Variants in KNTC1 observed in about 807,000 individuals in gnomAD.
The protein encoded by KNTC1 is kinetochore-associated protein 1.
Under a neutral mutation model 314.4 loss-of-function variants are expected in KNTC1, and 253 were observed. That is an observed-to-expected ratio of 0.80 (90% CI 0.73 to 0.89). The LOEUF is 0.89. Among genes scored for constraint, KNTC1 ranks in the 40% least tolerant of loss-of-function variants. The pLI, the probability that KNTC1 is intolerant of heterozygous loss-of-function variation, is 0.00. For synonymous variants in KNTC1, 901 were observed against 901.4 expected, an observed-to-expected ratio of 1.00 and a Z score of 0.01; for missense variants, 2,475 against 2,572.9, an observed-to-expected ratio of 0.96 and a Z score of 0.82.
chr12:122,546,415 A>G (rs947975912), intron 9 of KNTC1, 146 bp downstream of exon 9: 4 of 659,662 alleles, frequency 6.1e-6, no homozygotes, highest in Non-Finnish European at 7.9e-6. Flanking sequence ...CACATACAGA[A>G]CAGTTCTTGA....
intron 20 of KNTC1, among the ~76,000 whole-genome samples, chr12:122,567,536 CACTT>C (rs935271989): frequency 2.0e-4 from 30 of 151,944 alleles, no homozygotes; most frequent in Admixed American, 8.5e-4. Flanking sequence ...CATTATAGAA[CACTT>C]ACTTATTTAA....
chr12:122,561,215 T>A (rs1963945907), intron 18 of KNTC1, among the ~76,000 whole-genome samples: 1 of 151,674 alleles, frequency 6.6e-6, no homozygotes, highest in Non-Finnish European at 1.5e-5. Flanking sequence ...CTTGGAAGGC[T>A]GAGGCAGGAG....
At chr12:122,576,638 G>A (rs1175181227) in intron 29 of KNTC1, among the ~76,000 whole-genome samples, 5 of 151,978 alleles carry the variant, frequency 3.3e-5, no homozygotes, top group East Asian at 1.9e-4. Context: ...CCGAGATTGC[G>A]CCACTGCACT....
chr12:122,561,950 C>T lies in KNTC1; in HGVS notation c.1518C>T (p.Leu506=). The T allele has an allele frequency of 1.3e-6, 2 of 1,595,298 alleles. No individual in the cohort carries two copies. The highest frequency in any genetic ancestry group is 2.2e-5 in the East Asian group (1 of 44,584). ...RLLKKEDKTA[L]IYSDGLKEVL... is the part of the protein sequence containing the mutation. Reference sequence around the variant, plus strand: ...TGAAGAAAGAAGATAAAACTGCTCTCATTTATTCTGATGGCTTGAAAGAGG... The same window carrying T: ...TGAAGAAAGAAGATAAAACTGCTCTTATTTATTCTGATGGCTTGAAAGAGG... Residue 506 remains leucine (L), a synonymous_variant, in exon 19 of 64, where the codon CTC becomes CTT. Transcript: ENST00000333479.
At chr12:122,575,940 C>T (rs1964988704) in intron 29 of KNTC1, 41 bp downstream of exon 29, 4 of 1,551,032 alleles carry the variant, frequency 2.6e-6, no homozygotes, top group Non-Finnish European at 3.5e-6. Context: ...TCTTTCATTT[C>T]TGGGGCAATA....
chr12:122,621,194 G>T (rs1397501132), intron 60 of KNTC1, among the ~76,000 whole-genome samples: 1 of 152,000 alleles, frequency 6.6e-6, no homozygotes, highest in African/African-American at 2.4e-5. Flanking sequence ...AGCATTTTGG[G>T]GATAGAACTT....
At chr12:122,531,179 C>G (rs1229606711) in intron 2 of KNTC1, among the ~76,000 whole-genome samples, 3 of 151,226 alleles carry the variant, frequency 2.0e-5, no homozygotes, top group Non-Finnish European at 4.4e-5. Context: ...TTTAAACTGG[C>G]TGATGGGATT....
intron 52 of KNTC1, among the ~76,000 whole-genome samples, chr12:122,610,205 A>G (rs1204055392): frequency 6.6e-6 from 1 of 152,214 alleles, no homozygotes; most frequent in East Asian, 1.9e-4. Context: ...TTTAAGGGAA[A>G]GGCCACCTTT....
intron 41 of KNTC1, 21 bp from the exon 42 acceptor site, chr12:122,591,316 A>T: frequency 8.0e-7 from 1 of 1,249,768 alleles, no homozygotes; most frequent in Non-Finnish European, 1.2e-6. Context: ...ATTGAACTTT[A>T]ATTCTCTTTT....
intron 16 of KNTC1, among the ~76,000 whole-genome samples, chr12:122,553,466 A>C (rs1033989743): frequency 6.6e-6 from 1 of 152,022 alleles, no homozygotes; most frequent in Non-Finnish European, 1.5e-5. Flanking sequence ...GCTATACTGC[A>C]ATAAGATTGG....
At chr12:122,604,690 C>CAATTTAAT in intron 49 of KNTC1, 53 bp downstream of exon 49, 1 of 1,348,984 alleles carries the variant, frequency 7.4e-7, no homozygotes, top group Non-Finnish European at 1.1e-6. Flanking sequence ...TTAAATTGTA[C>CAATTTAAT]TAGCTTAATT....
chr12:122,539,975 T>C (rs1962160852), intron 5 of KNTC1, among the ~76,000 whole-genome samples: 1 of 151,086 alleles, frequency 6.6e-6, no homozygotes, highest in African/African-American at 2.4e-5. Flanking sequence ...AGATGGAGTT[T>C]CACCATGTTG....
At chr12:122,541,549 G>C (rs1289470573) in intron 5 of KNTC1, among the ~76,000 whole-genome samples, 1 of 151,280 alleles carries the variant, frequency 6.6e-6, no homozygotes, top group African/African-American at 2.4e-5. Flanking sequence ...GTTTCACCAT[G>C]TTGGTCAGGC....
intron 2 of KNTC1, among the ~76,000 whole-genome samples, chr12:122,533,758 C>T (rs989003758): frequency 2.0e-5 from 3 of 150,500 alleles, no homozygotes; most frequent in African/African-American, 7.5e-5. Flanking sequence ...TCAAGGATTA[C>T]ACCTGGAGAA....
At chr12:122,550,174 T>C (rs901243760) in intron 13 of KNTC1, among the ~76,000 whole-genome samples, 2 of 152,228 alleles carry the variant, frequency 1.3e-5, no homozygotes, top group African/African-American at 2.4e-5. Flanking sequence ...CTGTTACATA[T>C]TTATGTAACT....
intron 57 of KNTC1, among the ~76,000 whole-genome samples, chr12:122,617,930 C>T (rs1873943504): frequency 6.6e-6 from 1 of 152,194 alleles, no homozygotes; most frequent in African/African-American, 2.4e-5. Context: ...CAAGTAGTTT[C>T]TGCTATATTC....
At chr12:122,614,074 A>G (rs1173376339) in intron 55 of KNTC1, among the ~76,000 whole-genome samples, 1 of 152,010 alleles carries the variant, frequency 6.6e-6, no homozygotes, top group Non-Finnish European at 1.5e-5. Context: ...CAGGTGATCC[A>G]CCCACCTGGG....
intron 37 of KNTC1, 139 bp from the exon 38 acceptor site, chr12:122,586,558 GTTAT>G (rs888460423): frequency 5.0e-4 from 135 of 271,852 alleles, no homozygotes; most frequent in Middle Eastern, 9.4e-4. Context: ...CTGTGTGAGG[GTTAT>G]TTATTTATTT....
At chr12:122,541,642 G>A (rs1202588133) in intron 5 of KNTC1, among the ~76,000 whole-genome samples, 2 of 134,456 alleles carry the variant, frequency 1.5e-5, no homozygotes, top group Admixed American at 7.9e-5. Context: ...ACTGCGCCCC[G>A]CCTCTTTCTG....
Sources: allele counts gnomAD v4.1 joint callset (sites outside exome capture counted in the v4.1 genomes callset), GRCh38; gene constraint gnomAD v4.1.1; transcripts MANE v1.5; gene names NCBI Gene and HGNC (gene_info 2026-07-23, HGNC 2026-07-21).